GRID2: variants seen among roughly 807,000 people sequenced by gnomAD.
GRID2 encodes glutamate receptor ionotropic, delta-2.
In GRID2, 33 loss-of-function variants were observed where a neutral mutation model predicts 114.8. That is an observed-to-expected ratio of 0.29 (90% CI 0.22 to 0.38). The LOEUF is 0.38. Ranked by LOEUF, GRID2 falls within the 10% of genes least tolerant of loss-of-function variation. The pLI is 1.00. For synonymous variants in GRID2, 505 were observed against 449.9 expected, an observed-to-expected ratio of 1.12 and a Z score of -1.55; for missense variants, 1,184 against 1,257.7, an observed-to-expected ratio of 0.94 and a Z score of 0.89.
intron 14 of GRID2, among the ~76,000 whole-genome samples, chr4:93,712,343 A>T (rs1054005564): frequency 6.6e-6 from 1 of 152,100 alleles, no homozygotes; most frequent in Non-Finnish European, 1.5e-5. Context: ...ATTTTCTTCC[A>T]TGTAGATAAC....
chr4:93,731,632 C>T (rs1039563136), intron 14 of GRID2, among the ~76,000 whole-genome samples: 1 of 152,142 alleles, frequency 6.6e-6, no homozygotes, highest in South Asian at 2.1e-4. Context: ...TGGGGTGAAG[C>T]CTTCTAAGCA....
intron 2 of GRID2, among the ~76,000 whole-genome samples, chr4:92,701,853 C>T (rs896704430): frequency 6.6e-6 from 1 of 151,988 alleles, no homozygotes; most frequent in Non-Finnish European, 1.5e-5. Context: ...TTGGTTAGGG[C>T]GACCTCGGGG....
rs1242494592 is a variant in GRID2, at chr4:93,653,003, T to C, written c.2360+26568T>C. On this transcript the variant is annotated intron_variant, in intron 14 of 15. Coordinates refer to ENST00000282020, the MANE Select transcript of GRID2 (RefSeq NM_001510.4). Reference sequence around the variant, plus strand: ...AGCATGAAGGGATGCCACCAGAGGTTTTTAAGTGAGATTGAACATAAAAAG... The same window carrying C: ...AGCATGAAGGGATGCCACCAGAGGTCTTTAAGTGAGATTGAACATAAAAAG... 2.0e-5 allele frequency among the ~76,000 whole-genome samples: 3 copies of C among 151,920 alleles called. No homozygotes were observed. The East Asian group carries it at 5.8e-4, about 29-fold the overall frequency.
intron 1 of GRID2, among the ~76,000 whole-genome samples, chr4:92,520,588 A>T (rs111744940): frequency 0.011 from 1,605 of 151,980 alleles, 24 homozygotes; most frequent in African/African-American, 0.037. Flanking sequence ...ATTGATCTTA[A>T]TCACAGGGAA....
chr4:93,107,861 T>G (rs1363210499), intron 3 of GRID2, among the ~76,000 whole-genome samples: 1 of 152,082 alleles, frequency 6.6e-6, no homozygotes, highest in African/African-American at 2.4e-5. Context: ...TGCTCACATA[T>G]CCAGTCATCC....
rs1439110029 is a variant in GRID2 at position 93,128,793 on chromosome 4, G to A, written c.735+17840G>A. ...CAAACTCCCATGGTGATCCTGACCT[G>A]AGCTTAGAGTTGCTACAAAAAAATT... On this transcript the variant is annotated intron_variant, in intron 4 of 15. Coordinates refer to ENST00000282020, the MANE Select transcript of GRID2 (RefSeq NM_001510.4). 2.0e-5 allele frequency among the ~76,000 whole-genome samples: 3 copies of A among 152,140 alleles called. No individual in the cohort carries two copies. The East Asian group carries it at 5.8e-4, about 29-fold the overall frequency.
At chr4:93,035,656 A>G (rs1737354485) in intron 2 of GRID2, among the ~76,000 whole-genome samples, 2 of 152,076 alleles carry the variant, frequency 1.3e-5, no homozygotes, top group Admixed American at 1.3e-4. Context: ...ATTCACTTCC[A>G]TACTCACTTT....
At chr4:92,527,811 A>C (rs1725118698) in intron 1 of GRID2, among the ~76,000 whole-genome samples, 1 of 152,054 alleles carries the variant, frequency 6.6e-6, no homozygotes, top group African/African-American at 2.4e-5. Flanking sequence ...CTGCAACCTC[A>C]AACTTTACTA....
At chr4:93,094,568 T>A (rs1731044842) in intron 3 of GRID2, among the ~76,000 whole-genome samples, 1 of 151,892 alleles carries the variant, frequency 6.6e-6, no homozygotes, top group Admixed American at 6.6e-5. Flanking sequence ...ATCAATACCA[T>A]AAATAGGTAA....
chr4:93,735,101 G>A (rs1210551437), intron 14 of GRID2, among the ~76,000 whole-genome samples: 1 of 151,962 alleles, frequency 6.6e-6, no homozygotes, highest in East Asian at 1.9e-4. Context: ...AGCAAACATT[G>A]TGAAATCAAA....
intron 14 of GRID2, among the ~76,000 whole-genome samples, chr4:93,693,869 T>C (rs1014139425): frequency 6.6e-6 from 1 of 152,102 alleles, no homozygotes; most frequent in African/African-American, 2.4e-5. Flanking sequence ...AATAAGTATG[T>C]TGAGGAGAAA....
chr4:92,774,165 C>T (rs548810475), intron 2 of GRID2, among the ~76,000 whole-genome samples: 17 of 152,124 alleles, frequency 1.1e-4, no homozygotes, highest in African/African-American at 3.4e-4. Flanking sequence ...AGTATAAGAC[C>T]TCACTTTAAG....
intron 2 of GRID2, among the ~76,000 whole-genome samples, chr4:93,068,474 C>A (rs1421992059): frequency 1.3e-5 from 2 of 152,060 alleles, no homozygotes; most frequent in African/African-American, 2.4e-5. Context: ...ATTGGAACAT[C>A]TAACTCTCGT....
chr4:93,181,793 C>G (rs1739920743), intron 4 of GRID2, among the ~76,000 whole-genome samples: 1 of 152,156 alleles, frequency 6.6e-6, no homozygotes, highest in African/African-American at 2.4e-5. Context: ...CTTCTGTTTT[C>G]TACACAGCAC....
intron 2 of GRID2, among the ~76,000 whole-genome samples, chr4:93,000,716 C>A (rs538131553): frequency 2.1e-5 from 3 of 143,936 alleles, no homozygotes; most frequent in Admixed American, 1.5e-4. Flanking sequence ...ATAAGTATGT[C>A]AAGTAGTTTT....
chr4:92,485,930 T>A (rs1722865521), intron 1 of GRID2, among the ~76,000 whole-genome samples: 1 of 151,944 alleles, frequency 6.6e-6, no homozygotes, highest in Non-Finnish European at 1.5e-5. Context: ...GTAGAAATAA[T>A]GAGTATAGTG....
chr4:92,779,573 G>T (rs979043496), intron 2 of GRID2, among the ~76,000 whole-genome samples: 6 of 152,170 alleles, frequency 3.9e-5, no homozygotes, highest in South Asian at 2.1e-4. Flanking sequence ...ATTCTGCTCT[G>T]ATGTCCTTAG....
chr4:92,993,206 G>A (rs1313152003), intron 2 of GRID2, among the ~76,000 whole-genome samples: 1 of 148,422 alleles, frequency 6.7e-6, no homozygotes, highest in Non-Finnish European at 1.5e-5. Flanking sequence ...AATAATAAAA[G>A]AATTGCCCAA....
At chr4:93,073,929 G>A (rs566735568) in intron 2 of GRID2, among the ~76,000 whole-genome samples, 6 of 152,294 alleles carry the variant, frequency 3.9e-5, no homozygotes, top group South Asian at 2.1e-4. Context: ...CCAGGTCCGC[G>A]ATAACCTTGT....
Sources: allele counts gnomAD v4.1 joint callset (sites outside exome capture counted in the v4.1 genomes callset), GRCh38; gene constraint gnomAD v4.1.1; transcripts MANE v1.5; gene names NCBI Gene and HGNC (gene_info 2026-07-23, HGNC 2026-07-21).